Variants in CD96 observed in about 807,000 individuals in gnomAD.
CD96 encodes the protein CD96 molecule.
Under a neutral mutation model 71.3 loss-of-function variants are expected in CD96, and 70 were observed. The ratio of observed to expected loss-of-function variants is 0.98; its 90% CI spans 0.81 to 1.20. The LOEUF (loss-of-function observed/expected upper bound fraction) is 1.20, where lower values mean the gene tolerates loss of function less well. Ranked by LOEUF, CD96 falls within the 50% of genes most tolerant of loss-of-function variation. The pLI, the probability that CD96 is intolerant of heterozygous loss-of-function variation, is 0.00. For synonymous variants in CD96, 248 were observed against 233.0 expected (o/e 1.06, Z -0.59); for missense variants, 742 against 677.5 (o/e 1.10, Z -1.06).
chr3:111,565,565 GA>G (rs1935667537), intron 2 of CD96, among the ~76,000 whole-genome samples: 1 of 151,788 alleles, frequency 6.6e-6, no homozygotes, highest in African/African-American at 2.4e-5. Flanking sequence ...AATAATTTAA[GA>G]ATAAAATTAG....
chr3:111,592,002 C>T (rs1228507611), intron 5 of CD96, among the ~76,000 whole-genome samples: 1 of 152,206 alleles, frequency 6.6e-6, no homozygotes, highest in Admixed American at 6.5e-5. Context: ...GGTTGGTGCC[C>T]ACAAAGTACT....
intron 3 of CD96, among the ~76,000 whole-genome samples, chr3:111,575,903 A>G (rs1387721386): frequency 6.6e-6 from 1 of 152,210 alleles, no homozygotes; most frequent in East Asian, 1.9e-4. Flanking sequence ...ACACTATGCC[A>G]TTGGGGATTA....
chr3:111,553,143 A>G (rs1934803494), intron 2 of CD96, among the ~76,000 whole-genome samples: 1 of 113,924 alleles, frequency 8.8e-6, no homozygotes, highest in South Asian at 3.4e-4. Flanking sequence ...ATATTATTCA[A>G]TATCCCATCA....
chr3:111,606,815 C>G, intron 8 of CD96, 23 bp downstream of exon 8: 2 of 1,288,646 alleles, frequency 1.6e-6, no homozygotes, highest in Non-Finnish European at 2.3e-6. Flanking sequence ...TCACACTGAG[C>G]TATTGATTTA....
chr3:111,559,271 GC>G (rs1450069263), intron 2 of CD96, among the ~76,000 whole-genome samples: 1 of 121,012 alleles, frequency 8.3e-6, no homozygotes, highest in Non-Finnish European at 1.7e-5. Flanking sequence ...GTTTGCTCTT[GC>G]TTTTCTAGTT....
chr3:111,571,047 C>T lies in CD96; in HGVS notation c.543+3400C>T. On this transcript the variant is annotated intron_variant, in intron 3 of 13. Transcript: ENST00000352690. Reference sequence around the variant, plus strand: ...GGTCAGCGGCTTGTAGGAGGGAGGTCCCTCCAGGCTGTGGGGTAGGAGGTA... The same window carrying T: ...GGTCAGCGGCTTGTAGGAGGGAGGTTCCTCCAGGCTGTGGGGTAGGAGGTA... 3 of 1,164,232 alleles carry T rather than the reference C, an allele frequency of 2.6e-6. No individual in the cohort carries two copies. In the South Asian group the frequency reaches 3.7e-5, roughly 14 times the overall value. 72.1% of individuals were successfully genotyped at this position (1,164,232 alleles called of 1,614,324 possible).
intron 10 of CD96, among the ~76,000 whole-genome samples, chr3:111,625,835 C>T (rs141953674): frequency 1.2e-3 from 189 of 152,204 alleles, no homozygotes; most frequent in Non-Finnish European, 1.3e-3. Flanking sequence ...ATCTGGGGAA[C>T]ATATTTGCCA....
chr3:111,576,483 T>C (rs1936227012), intron 3 of CD96, among the ~76,000 whole-genome samples: 1 of 152,216 alleles, frequency 6.6e-6, no homozygotes, highest in Non-Finnish European at 1.5e-5. Context: ...ATTAAATTTC[T>C]CACTGTAGAT....
In CD96 at chr3:111,585,372, G is replaced by A. The variant is rs140235134; in HGVS notation, c.801G>A (p.Leu267=). 8.1e-6 allele frequency: 13 copies of A among 1,601,866 alleles called. No individual in the cohort carries two copies. Among genetic ancestry groups the A allele is most frequent in the Non-Finnish European group, 1.1e-5 (13 of 1,169,128 alleles). The change falls in exon 5 of 14, where the codon TTG becomes TTA. Residue 267 remains leucine, a synonymous_variant. Coordinates refer to ENST00000352690, the MANE Select transcript of CD96 (RefSeq NM_005816.5). ...VIVENNSTDV[L]VERRFTCLLK... is the part of the protein sequence containing the mutation. ...TGGAAAATAACTCCACGGATGTCTT[G>A]GTAGAGGTGAGTCACATAAAAGCCT...
intron 2 of CD96, 64 bp downstream of exon 2, chr3:111,545,466 T>A (rs1347678425): frequency 2.6e-6 from 3 of 1,142,542 alleles, no homozygotes; most frequent in Non-Finnish European, 4.0e-6. Context: ...AAATGTACAT[T>A]TTAAGAAAAG....
chr3:111,602,427 G>A (rs1165298299), intron 7 of CD96, among the ~76,000 whole-genome samples: 1 of 151,750 alleles, frequency 6.6e-6, no homozygotes, highest in Non-Finnish European at 1.5e-5. Context: ...TATAATTTGG[G>A]GCTCTGAACA....
chr3:111,567,374 G>T, intron 2 of CD96, 149 bp from the exon 3 acceptor site: 1 of 652,256 alleles, frequency 1.5e-6, no homozygotes, highest in Non-Finnish European at 2.8e-6. Context: ...TACAATGAGG[G>T]CTATCGTGGG....
At chr3:111,545,545 G>A (rs979563309) in intron 2 of CD96, 143 bp downstream of exon 2, 22 of 694,136 alleles carry the variant, frequency 3.2e-5, no homozygotes, top group Admixed American at 3.1e-4. Flanking sequence ...AAGAGAGACA[G>A]GAAGTGACCA....
At chr3:111,655,082 G>C (rs961369478), downstream of CD96, among the ~76,000 whole-genome samples, 1 of 152,188 alleles carries the variant, frequency 6.6e-6, no homozygotes, top group South Asian at 2.1e-4. Flanking sequence ...TGCATCACTG[G>C]TTTGAGATAA....
In CD96 at chr3:111,567,741, C is replaced by T. The variant is rs566103646; in HGVS notation, c.543+94C>T. On this transcript the variant is annotated intron_variant, in intron 3 of 13. Transcript: ENST00000352690. ...CAGTAATAATAGGGAAGGAAGCATA[C>T]AAATAACAGGCAGGCATTATGCCAG... 310 of 1,141,956 alleles carry T rather than the reference C, an allele frequency of 2.7e-4. 3 individuals carry two copies. In the South Asian group the frequency reaches 3.6e-3, roughly 13 times the overall value. The allele number at this position is 1,141,956 out of a possible 1,614,324, so 70.7% of individuals were successfully genotyped here.
At chr3:111,570,576 C>G in intron 3 of CD96, 1 of 1,462,434 alleles carries the variant, frequency 6.8e-7, no homozygotes, top group Non-Finnish European at 9.4e-7. Flanking sequence ...GCACTAGATC[C>G]TTGGCAAGAA....
chr3:111,549,768 G>T (rs1016401315), intron 2 of CD96, among the ~76,000 whole-genome samples: 1 of 152,164 alleles, frequency 6.6e-6, no homozygotes, highest in Non-Finnish European at 1.5e-5. Flanking sequence ...GGGGAACATT[G>T]TATTAGGGAA....
intron 10 of CD96, among the ~76,000 whole-genome samples, chr3:111,628,830 C>T (rs57067927): frequency 0.23 from 35,394 of 152,062 alleles, 4,572 homozygotes; most frequent in African/African-American, 0.35. Flanking sequence ...GCAGAAATCC[C>T]ACAATCCAGA....
Position 111,637,392 on chromosome 3 carries a change from A to G in CD96, c.1387+131A>G. The G allele has an allele frequency of 4.3e-6, 3 of 702,758 alleles. No homozygotes were observed. The South Asian group carries it at 4.6e-5, about 11-fold the overall frequency. The allele number at this position is 702,758 out of a possible 1,614,324, so 43.5% of individuals were successfully genotyped here. A position where few individuals can be genotyped will look rare whatever the true frequency, so the allele number is the denominator to read the frequency against. On this transcript the variant is annotated intron_variant, in intron 11 of 13. Coordinates refer to ENST00000352690, the MANE Select transcript of CD96 (RefSeq NM_005816.5). ...ATAAAAGTACATCTTGATGATGAAA[A>G]TTACAATGAATGGAAACAAAATTCT...
Sources: allele counts gnomAD v4.1 joint callset (sites outside exome capture counted in the v4.1 genomes callset), GRCh38; gene constraint gnomAD v4.1.1; transcripts MANE v1.5; gene names NCBI Gene and HGNC (gene_info 2026-07-23, HGNC 2026-07-21).